The following AKAP6 variants were observed in gnomAD, a reference collection of about 807,000 sequenced individuals.
AKAP6 encodes A-kinase anchor protein 6.
AKAP6 carries 58 observed loss-of-function variants against 188.5 expected under a neutral mutation model. The observed-to-expected ratio is 0.31, with a 90% confidence interval of 0.25 to 0.38. The LOEUF is 0.38. AKAP6 is among the 10% of genes least tolerant of loss of function. The pLI is 1.00. For synonymous variants in AKAP6, 989 were observed against 998.6 expected (o/e 0.99, Z 0.18); for missense variants, 2,710 against 2,740.0 (o/e 0.99, Z 0.24).
At chr14:32,451,508 A>G (rs1048138502) in intron 2 of AKAP6, among the ~76,000 whole-genome samples, 6 of 152,202 alleles carry the variant, frequency 3.9e-5, no homozygotes, top group Non-Finnish European at 7.3e-5. Context: ...TACAGAAACT[A>G]TGTGTATAAA....
chr14:32,565,290 A>G (rs958620492), intron 4 of AKAP6, among the ~76,000 whole-genome samples: 1 of 152,152 alleles, frequency 6.6e-6, no homozygotes, highest in Admixed American at 6.5e-5. Flanking sequence ...CTGCAAAACT[A>G]TTTTTGTAAT....
rs147601581 is a variant in AKAP6, at chr14:32,478,228, TCA to T, written c.324+44425_324+44426del. Among the ~76,000 whole-genome samples the T allele has an allele frequency of 6.6e-5, 10 of 151,516 alleles. 1 individual carries two copies. Among genetic ancestry groups the T allele is most frequent in the South Asian group, 6.3e-4 (3 of 4,780 alleles). On this transcript the variant is annotated intron_variant, in intron 2 of 13. Coordinates refer to ENST00000280979, the MANE Select transcript of AKAP6 (RefSeq NM_004274.5). ...ATTAGTGAATGTTGTTGCCAAGAAG[TCA>T]CACACACACACACGTACGTGTGCCC...
At chr14:32,618,681 T>C (rs1257116301) in intron 7 of AKAP6, among the ~76,000 whole-genome samples, 1 of 152,170 alleles carries the variant, frequency 6.6e-6, no homozygotes, top group African/African-American at 2.4e-5. Flanking sequence ...CTTTTTGATA[T>C]AATGACTTTG....
At chr14:32,343,160 G>A (rs1433863582) in intron 1 of AKAP6, among the ~76,000 whole-genome samples, 1 of 152,122 alleles carries the variant, frequency 6.6e-6, no homozygotes, top group Non-Finnish European at 1.5e-5. Flanking sequence ...ACCCCCACTA[G>A]CTCTGTGCCC....
At chr14:32,675,706 G>A (rs1484411738) in intron 7 of AKAP6, among the ~76,000 whole-genome samples, 3 of 152,178 alleles carry the variant, frequency 2.0e-5, no homozygotes, top group Non-Finnish European at 4.4e-5. Flanking sequence ...CTCCTTGTTA[G>A]TGCAGGGAAG....
Position 32,824,369 on chromosome 14 carries a change from G to A in AKAP6, c.6556G>A (p.Ala2186Thr), listed in dbSNP as rs745659707. 2.0e-5 allele frequency: 33 copies of A among 1,613,798 alleles called. No individual in the cohort carries two copies. The highest frequency in any genetic ancestry group is 2.7e-5 in the Non-Finnish European group (32 of 1,179,948). ...PNESAVPSEA[A>T]MPLQATACSS... ...TGAATCTGCAGTTCCCAGCGAAGCT[G>A]CAATGCCACTACAAGCAACAGCATG... Residue 2186 changes from alanine (A) to threonine (T), a missense_variant, in exon 13 of 14, where the codon GCA (alanine) becomes ACA (threonine). This residue lies in a region of AKAP6 where 2,473 missense variants were observed against 2,426.1 expected (regional missense o/e 1.02). Coordinates refer to ENST00000280979, the MANE Select transcript of AKAP6 (RefSeq NM_004274.5).
chr14:32,809,206 C>A (rs934557018), intron 12 of AKAP6, among the ~76,000 whole-genome samples: 2 of 152,182 alleles, frequency 1.3e-5, no homozygotes, highest in African/African-American at 4.8e-5. Flanking sequence ...ACAGAGACAA[C>A]AGCTAGAAGT....
intron 4 of AKAP6, among the ~76,000 whole-genome samples, chr14:32,572,647 C>CT (rs1220754554): frequency 6.6e-6 from 1 of 152,200 alleles, no homozygotes; most frequent in Non-Finnish European, 1.5e-5. Flanking sequence ...CAAGATTTGA[C>CT]TGTAAGTGTT....
chr14:32,758,868 C>G (rs546095486), intron 11 of AKAP6, among the ~76,000 whole-genome samples: 1 of 152,174 alleles, frequency 6.6e-6, no homozygotes, highest in Non-Finnish European at 1.5e-5. Flanking sequence ...ACCAAGGCTC[C>G]TCTGGCATTG....
chr14:32,408,140 TG>T (rs111363151), intron 1 of AKAP6, among the ~76,000 whole-genome samples: 5,651 of 152,204 alleles, frequency 0.037, 266 homozygotes, highest in African/African-American at 0.12. Flanking sequence ...AATTTCTGTT[TG>T]CCACACCATG....
At chr14:32,414,590 T>C (rs1889596896) in intron 1 of AKAP6, among the ~76,000 whole-genome samples, 1 of 152,172 alleles carries the variant, frequency 6.6e-6, no homozygotes, top group South Asian at 2.1e-4. Flanking sequence ...GCTGAATGAA[T>C]TGGTCTTTTT....
intron 1 of AKAP6, among the ~76,000 whole-genome samples, chr14:32,359,024 G>A (rs1887571166): frequency 6.6e-6 from 1 of 152,086 alleles, no homozygotes; most frequent in South Asian, 2.1e-4. Context: ...GCCTTTATTA[G>A]GTTTCCTTCC....
At chr14:32,577,953 A>C (rs1400307380) in intron 5 of AKAP6, among the ~76,000 whole-genome samples, 1 of 152,180 alleles carries the variant, frequency 6.6e-6, no homozygotes, top group Non-Finnish European at 1.5e-5. Flanking sequence ...GTGATAAAGC[A>C]TGAAGAAAAA....
At chr14:32,475,298 A>G (rs1179418190) in intron 2 of AKAP6, among the ~76,000 whole-genome samples, 2 of 152,214 alleles carry the variant, frequency 1.3e-5, no homozygotes, top group Non-Finnish European at 2.9e-5. Context: ...TTATAATAAT[A>G]ATGCTAAGGC....
intron 1 of AKAP6, among the ~76,000 whole-genome samples, chr14:32,339,108 G>A (rs1200960518): frequency 2.0e-5 from 3 of 151,896 alleles, no homozygotes; most frequent in African/African-American, 7.3e-5. Flanking sequence ...GTTTCTCCCT[G>A]GTATAATATA....
chr14:32,410,296 C>T, intron 1 of AKAP6, among the ~76,000 whole-genome samples: 1 of 152,228 alleles, frequency 6.6e-6, no homozygotes, highest in South Asian at 2.1e-4. Context: ...GTCTCCATAC[C>T]CCTTTATCTT....
intron 5 of AKAP6, among the ~76,000 whole-genome samples, chr14:32,589,533 A>C (rs935106034): frequency 6.6e-6 from 1 of 152,116 alleles, no homozygotes; most frequent in Non-Finnish European, 1.5e-5. Flanking sequence ...ATGTAACTCT[A>C]ATTTTGTGCA....
At chr14:32,350,103 G>A (rs1887215839) in intron 1 of AKAP6, among the ~76,000 whole-genome samples, 1 of 152,150 alleles carries the variant, frequency 6.6e-6, no homozygotes, top group African/African-American at 2.4e-5. Flanking sequence ...CCCATTTCTA[G>A]GAGGAAGAGT....
At chr14:32,606,795 G>T (rs1483337693) in intron 7 of AKAP6, among the ~76,000 whole-genome samples, 2 of 152,172 alleles carry the variant, frequency 1.3e-5, no homozygotes, top group Admixed American at 1.3e-4. Context: ...GACTATGAAG[G>T]TCATCAATGT....
Sources: allele counts gnomAD v4.1 joint callset (sites outside exome capture counted in the v4.1 genomes callset), GRCh38; gene constraint gnomAD v4.1.1; regional missense constraint gnomAD v4.1.1; transcripts MANE v1.5; gene names NCBI Gene and HGNC (gene_info 2026-07-23, HGNC 2026-07-21).